The following CLEC4C variants were observed in gnomAD, a reference collection of about 807,000 sequenced individuals.
CLEC4C encodes the protein C-type lectin domain family 4 member C.
A neutral mutation model predicts 27.7 loss-of-function variants in CLEC4C; 17 were observed. The observed-to-expected ratio is 0.61, with a 90% confidence interval of 0.42 to 0.92. CLEC4C has a LOEUF of 0.92. Among genes scored for constraint, CLEC4C ranks in the 40% least tolerant of loss-of-function variants. CLEC4C has a pLI of 0.00. For missense variants in CLEC4C, 244 were observed against 257.3 expected (o/e 0.95, Z 0.35); for synonymous variants, 80 against 80.8 (o/e 0.99, Z 0.06).
chr12:7,734,552 A>ATTTTTT (rs34564177), intron 4 of CLEC4C, among the ~76,000 whole-genome samples: 4 of 142,810 alleles, frequency 2.8e-5, no homozygotes, highest in African/African-American at 1.0e-4. Flanking sequence ...GAGGCCTCCA[A>ATTTTTT]TTTTTTTTTT....
At chr12:7,737,685 C>T (rs751399347) in intron 3 of CLEC4C, 111 bp from the exon 4 acceptor site, 138 of 1,044,048 alleles carry the variant, frequency 1.3e-4, no homozygotes, top group Middle Eastern at 3.2e-4. Flanking sequence ...TGGATCTCCA[C>T]GGATTTTCCA....
intron 1 of CLEC4C, among the ~76,000 whole-genome samples, chr12:7,746,981 C>T (rs767282915): frequency 1.3e-5 from 2 of 152,250 alleles, no homozygotes; most frequent in East Asian, 1.9e-4. Flanking sequence ...TGTGCCACCA[C>T]GCCTGGCTAA....
chr12:7,741,773 G>A (rs1864861520), intron 2 of CLEC4C, among the ~76,000 whole-genome samples: 2 of 152,138 alleles, frequency 1.3e-5, no homozygotes, highest in African/African-American at 4.8e-5. Context: ...GCTCACACCT[G>A]TAATCCCAGC....
At chr12:7,737,645 G>C in intron 3 of CLEC4C, 71 bp from the exon 4 acceptor site, 1 of 1,446,772 alleles carries the variant, frequency 6.9e-7, no homozygotes, top group South Asian at 1.3e-5. Context: ...TATAAGCTTA[G>C]CTTGCTAAGG....
rs1592086294 is a variant in CLEC4C, at chr12:7,729,435, A to C, written c.*161T>G. On this transcript the variant is annotated 3_prime_UTR_variant, in exon 6 of 6. Coordinates refer to ENST00000360345, the MANE Select transcript of CLEC4C (RefSeq NM_001371390.1). ...GAATAAATGAATAAATGAATAAATG[A>C]ATGTGTGAATGGATTATATCATAAG... The C allele has an allele frequency of 5.1e-6, 3 of 590,710 alleles. No individual in the cohort carries two copies. The East Asian group carries it at 8.7e-5, about 17-fold the overall frequency. The allele number at this position is 590,710 out of a possible 1,614,324, so 36.6% of individuals were successfully genotyped here.
intron 3 of CLEC4C, 125 bp from the exon 4 acceptor site, chr12:7,737,699 C>A: frequency 1.1e-6 from 1 of 897,142 alleles, no homozygotes; most frequent in East Asian, 2.5e-5. Context: ...TTTTCCAAAG[C>A]TGAACTCATT....
In CLEC4C at chr12:7,734,697, T is replaced by C. The variant is rs190872361; in HGVS notation, c.381+2732A>G. 4.6e-3 allele frequency among the ~76,000 whole-genome samples: 700 copies of C among 151,916 alleles called. 4 individuals carry two copies. The highest frequency in any genetic ancestry group is 0.016 in the African/African-American group (663 of 41,460). On this transcript the variant is annotated intron_variant, in intron 4 of 5. Transcript: ENST00000360345. ...CCGAGTAACTGTGATTACAGGCATG[T>C]GCCACCATGCCGAGCTAATTTTTGT...
rs760629901 is a variant in CLEC4C, at chr12:7,737,566, A to G, written c.244T>C (p.Cys82Arg). 2.5e-6 allele frequency: 4 copies of G among 1,613,178 alleles called. No individual in the cohort carries two copies. Among genetic ancestry groups the G allele is most frequent in the Non-Finnish European group, 2.5e-6 (3 of 1,179,756 alleles). The change falls in exon 4 of 6, where the codon TGC becomes CGC. Residue 82 changes from cysteine (C) to arginine (R), a missense_variant. By Grantham distance (180) the Cys-to-Arg change is radical. Transcript: ENST00000360345. ...MEGKDIEDWS[C>R]CPTPWTSFQS... ...AATGAAGTCCAAGGGGTTGGGCAGC[A>G]GCTCCAATCTTCCCAAATGAGTATA...
chr12:7,747,871 ACCT>A (rs1340255069), upstream of CLEC4C, among the ~76,000 whole-genome samples: 1 of 118,332 alleles, frequency 8.5e-6, no homozygotes, highest in Non-Finnish European at 1.6e-5. Flanking sequence ...CGAACTCCTG[ACCT>A]CCTGCCGTTG....
At chr12:7,747,126 CT>C (rs1300719083) in intron 1 of CLEC4C, among the ~76,000 whole-genome samples, 191 bp downstream of exon 1, 2 of 152,138 alleles carry the variant, frequency 1.3e-5, no homozygotes, top group African/African-American at 4.8e-5. Flanking sequence ...CCCGCCCGGC[CT>C]TTCTTTTTTT....
At chr12:7,733,670 A>G (rs1864653166) in intron 4 of CLEC4C, among the ~76,000 whole-genome samples, 1 of 150,874 alleles carries the variant, frequency 6.6e-6, no homozygotes, top group African/African-American at 2.5e-5. Context: ...TTTAGTAGAG[A>G]CGGGGTTTCA....
chr12:7,747,583 G>A, upstream of CLEC4C: 1 of 376,228 alleles, frequency 2.7e-6, no homozygotes, highest in Non-Finnish European at 4.8e-6. Flanking sequence ...CACAAACAAG[G>A]AAATCGAGAA....
At chr12:7,737,988 C>G (rs767295620) in intron 3 of CLEC4C, among the ~76,000 whole-genome samples, 8 of 152,154 alleles carry the variant, frequency 5.3e-5, no homozygotes, top group Non-Finnish European at 1.0e-4. Context: ...GCTTTAAACC[C>G]ACAAAAATGA....
rs770371793 is a variant in CLEC4C, at chr12:7,740,793, G to A, written c.235+628C>T. Among the ~76,000 whole-genome samples, 8 of 151,802 alleles carry A rather than the reference G, an allele frequency of 5.3e-5. No homozygotes were observed. The South Asian group carries it at 1.7e-3, about 31-fold the overall frequency. The stretch of plus-strand genomic sequence containing the variant: ...GGCTTTAATATTGATGGGAGCAGGA[G>A]GAAGTGAGACAGTTCTGAGGACCCC... On this transcript the variant is annotated intron_variant, in intron 3 of 5. Coordinates refer to ENST00000360345, the MANE Select transcript of CLEC4C (RefSeq NM_001371390.1).
At chr12:7,730,670 A>T in intron 5 of CLEC4C, 127 bp downstream of exon 5, 3 of 493,056 alleles carry the variant, frequency 6.1e-6, no homozygotes, top group Non-Finnish European at 1.1e-5. Context: ...ACAACCCTTG[A>T]TGTCAAATAG....
chr12:7,733,710 T>C (rs905601847), intron 4 of CLEC4C, among the ~76,000 whole-genome samples: 5 of 151,752 alleles, frequency 3.3e-5, no homozygotes, highest in Non-Finnish European at 7.4e-5. Context: ...CTCAATCTCC[T>C]GACCTTGTGA....
chr12:7,745,083 T>A (rs757014310), intron 2 of CLEC4C, among the ~76,000 whole-genome samples: 16 of 151,906 alleles, frequency 1.1e-4, no homozygotes, highest in Non-Finnish European at 2.1e-4. Flanking sequence ...CCCATCAAAG[T>A]GGAGTTATTG....
intron 2 of CLEC4C, among the ~76,000 whole-genome samples, chr12:7,742,338 C>A (rs1864874554): frequency 6.6e-6 from 1 of 151,742 alleles, no homozygotes; most frequent in South Asian, 2.1e-4. Context: ...CATGGTGAAA[C>A]CCTGTTTCTA....
intron 3 of CLEC4C, 145 bp downstream of exon 3, chr12:7,741,276 A>G (rs761304984): frequency 2.2e-5 from 13 of 593,718 alleles, no homozygotes; most frequent in Middle Eastern, 3.6e-4. Context: ...TGAGGTGTCT[A>G]TTTAAGATAC....
Sources: gnomAD v4.1 joint callset for allele counts (sites outside exome capture counted in the v4.1 genomes callset) on GRCh38, gnomAD v4.1.1 for gene constraint, MANE v1.5 for transcripts, NCBI Gene and HGNC (gene_info 2026-07-23, HGNC 2026-07-21) for gene names.